The following NIPAL2 variants were observed in gnomAD, a reference collection of about 807,000 sequenced individuals.
NIPAL2 encodes the protein NIPA-like protein 2.
NIPAL2 carries 43 observed loss-of-function variants against 48.9 expected under a neutral mutation model. That is an observed-to-expected ratio of 0.88 (90% CI 0.69 to 1.13). The LOEUF (loss-of-function observed/expected upper bound fraction) is 1.13, where lower values mean the gene tolerates loss of function less well. Among genes scored for constraint, NIPAL2 ranks in the 50% most tolerant of loss-of-function variants. NIPAL2 has a pLI of 0.00. For missense variants in NIPAL2, 446 were observed against 461.4 expected (o/e 0.97, Z 0.31); for synonymous variants, 167 against 174.6 (o/e 0.96, Z 0.34).
chr8:98,239,587 A>T (rs1812884693), intron 3 of NIPAL2, among the ~76,000 whole-genome samples: 1 of 152,218 alleles, frequency 6.6e-6, no homozygotes, highest in African/African-American at 2.4e-5. Context: ...ATGAAACATA[A>T]ATATGCTACT....
intron 10 of NIPAL2, chr8:98,193,293 C>T: frequency 7.0e-7 from 1 of 1,425,556 alleles, no homozygotes. Context: ...TTGTCTGTGT[C>T]AGAGCCACTA....
chr8:98,212,789 T>G (rs1475925203), intron 5 of NIPAL2, among the ~76,000 whole-genome samples: 1 of 152,102 alleles, frequency 6.6e-6, no homozygotes, highest in Non-Finnish European at 1.5e-5. Context: ...GCATGTTTAA[T>G]AGACACGCCA....
intron 8 of NIPAL2, among the ~76,000 whole-genome samples, chr8:98,201,988 G>A (rs1254626085): frequency 6.6e-6 from 1 of 152,144 alleles, no homozygotes; most frequent in Admixed American, 6.5e-5. Flanking sequence ...AGATCAAGAA[G>A]GTGGTAAATA....
chr8:98,205,090 A>T, intron 7 of NIPAL2, 21 bp downstream of exon 7: 1 of 1,611,538 alleles, frequency 6.2e-7, no homozygotes, highest in Non-Finnish European at 8.5e-7. Flanking sequence ...AAGATTAGTG[A>T]GTATGCAGAA....
chr8:98,259,133 G>A (rs1328235923), intron 1 of NIPAL2, among the ~76,000 whole-genome samples: 1 of 131,008 alleles, frequency 7.6e-6, no homozygotes, highest in African/African-American at 2.9e-5. Flanking sequence ...CTGGAGTGCA[G>A]TGGCGCGATC....
At chr8:98,206,727 G>C (rs983245852) in intron 6 of NIPAL2, among the ~76,000 whole-genome samples, 1 of 148,528 alleles carries the variant, frequency 6.7e-6, no homozygotes, top group Non-Finnish European at 1.5e-5. Flanking sequence ...GGCGGAGTTC[G>C]CAGAGGGCCA....
At chr8:98,237,230 T>G (rs1275612693) in intron 3 of NIPAL2, among the ~76,000 whole-genome samples, 2 of 151,970 alleles carry the variant, frequency 1.3e-5, no homozygotes, top group African/African-American at 4.8e-5. Context: ...AATTTTTTTA[T>G]TTTTAGAAAT....
Position 98,223,126 on chromosome 8 carries a change from T to G in NIPAL2, c.437-526A>C, listed in dbSNP as rs796717868. On this transcript the variant is annotated intron_variant, in intron 4 of 10. Coordinates refer to ENST00000430223, the MANE Select transcript of NIPAL2 (RefSeq NM_001321635.2). ...TTGAAACTCTGGTAATGAGCATCTT[T>G]AATCACTGCCATTTATTGGAGTCCT... is the stretch of plus-strand genomic sequence containing the variant. Among the ~76,000 whole-genome samples the G allele has an allele frequency of 3.3e-5, 5 of 152,366 alleles. 1 individual carries two copies. The highest frequency in any genetic ancestry group is 1.2e-4 in the African/African-American group (5 of 41,588).
chr8:98,193,011 T>C lies in NIPAL2; in HGVS notation c.1119A>G (p.Thr373=). The C allele has an allele frequency of 6.2e-7, 1 of 1,614,000 alleles. No homozygotes were observed. The highest frequency in any genetic ancestry group is 1.1e-5 in the South Asian group (1 of 91,076). The stretch of plus-strand genomic sequence containing the variant: ...CTTTCTTCTCTCCACTTTGGCTCTT[T>C]GTTGAGTCACTTCCATCAGGCAAAG... ...YGTLPDGSDS[T]KSQSGEKKEV Residue 373 remains threonine, a synonymous_variant, in exon 11 of 11, where the codon ACA becomes ACG. Transcript: ENST00000430223.
chr8:98,247,745 C>T (rs182534604), intron 3 of NIPAL2, among the ~76,000 whole-genome samples: 1 of 152,270 alleles, frequency 6.6e-6, no homozygotes, highest in East Asian at 1.9e-4. Context: ...GAGAGTAAGT[C>T]TGTTTAATTA....
intron 1 of NIPAL2, among the ~76,000 whole-genome samples, chr8:98,284,900 A>C (rs1376024052): frequency 6.6e-6 from 1 of 152,142 alleles, no homozygotes; most frequent in Admixed American, 6.5e-5. Flanking sequence ...AGCAAGATAG[A>C]GACCAAGCAG....
chr8:98,281,778 G>A (rs1159248011), intron 1 of NIPAL2, among the ~76,000 whole-genome samples: 2 of 152,238 alleles, frequency 1.3e-5, no homozygotes, highest in African/African-American at 2.4e-5. Flanking sequence ...GTACAAATCT[G>A]TCTAGGGTAG....
intron 4 of NIPAL2, among the ~76,000 whole-genome samples, chr8:98,235,755 ATT>A (rs1030369298): frequency 2.2e-4 from 34 of 151,916 alleles, no homozygotes; most frequent in African/African-American, 7.9e-4. Context: ...GAAGGGAGGC[ATT>A]GTTTTATTTA....
chr8:98,224,785 G>A (rs1457280121), intron 4 of NIPAL2, among the ~76,000 whole-genome samples: 7 of 133,154 alleles, frequency 5.3e-5, no homozygotes, highest in African/African-American at 1.7e-4. Flanking sequence ...TTGAAACAGA[G>A]TCTTGCTCTG....
At chr8:98,252,778 G>A in intron 2 of NIPAL2, 144 bp from the exon 3 acceptor site, 1 of 705,944 alleles carries the variant, frequency 1.4e-6, no homozygotes, top group Non-Finnish European at 2.2e-6. Context: ...TACATTTTTG[G>A]GGAATTATTG....
intron 5 of NIPAL2, among the ~76,000 whole-genome samples, chr8:98,216,585 G>A (rs1811586196): frequency 6.6e-6 from 1 of 152,210 alleles, no homozygotes; most frequent in African/African-American, 2.4e-5. Context: ...TTGCCAGAAA[G>A]GCTGACTTAA....
intron 10 of NIPAL2, chr8:98,193,462 A>G (rs751371900): frequency 3.1e-6 from 5 of 1,587,830 alleles, no homozygotes; most frequent in Non-Finnish European, 3.5e-6. Flanking sequence ...ATAGCCTTTG[A>G]TAGTGACTTC....
intron 5 of NIPAL2, among the ~76,000 whole-genome samples, chr8:98,215,576 G>A (rs1349967255): frequency 6.6e-6 from 1 of 152,196 alleles, no homozygotes; most frequent in East Asian, 1.9e-4. Flanking sequence ...TTAGGAGGTA[G>A]GTGCTATCAT....
intron 6 of NIPAL2, among the ~76,000 whole-genome samples, chr8:98,205,846 T>G (rs1811007538): frequency 6.6e-6 from 1 of 152,202 alleles, no homozygotes; most frequent in Non-Finnish European, 1.5e-5. Flanking sequence ...TTTTTGACAA[T>G]GACAATAATT....
Sources: allele counts gnomAD v4.1 joint callset (sites outside exome capture counted in the v4.1 genomes callset), GRCh38; gene constraint gnomAD v4.1.1; transcripts MANE v1.5; gene names NCBI Gene and HGNC (gene_info 2026-07-23, HGNC 2026-07-21).